Variants in GRIA1 observed in about 807,000 individuals in gnomAD.
GRIA1 encodes the protein glutamate ionotropic receptor AMPA type subunit 1, also known as glutamate receptor 1.
GRIA1 carries 31 observed loss-of-function variants against 99.2 expected under a neutral mutation model. The ratio of observed to expected loss-of-function variants is 0.31; its 90% CI spans 0.23 to 0.42. The LOEUF is 0.42. Among genes scored for constraint, GRIA1 ranks in the 10% least tolerant of loss-of-function variants. The probability of loss-of-function intolerance (pLI) is 1.00; values close to 1 mark genes in which losing one functional copy is unlikely to be tolerated. For synonymous variants in GRIA1, 438 were observed against 432.4 expected, an observed-to-expected ratio of 1.01 and a Z score of -0.16; for missense variants, 782 against 1,157.5, an observed-to-expected ratio of 0.68 and a Z score of 4.71.
At chr5:153,521,342 A>G (rs560809007) in intron 2 of GRIA1, among the ~76,000 whole-genome samples, 2 of 152,380 alleles carry the variant, frequency 1.3e-5, no homozygotes, top group East Asian at 3.9e-4. Flanking sequence ...GAAACAGAGT[A>G]AGAGGCAGAG....
chr5:153,771,640 T>C (rs1463111107), intron 13 of GRIA1, among the ~76,000 whole-genome samples: 1 of 152,232 alleles, frequency 6.6e-6, no homozygotes, highest in Non-Finnish European at 1.5e-5. Flanking sequence ...CTTCCTGCAA[T>C]GTAGCAGAAC....
intron 2 of GRIA1, among the ~76,000 whole-genome samples, chr5:153,623,958 CCATATA>C (rs3036983): frequency 0.22 from 33,513 of 151,740 alleles, 4,169 homozygotes; most frequent in Non-Finnish European, 0.29. Context: ...TTTGTTAAAC[CCATATA>C]TGGATTGAAA....
At position 153,812,794 on chromosome 5, in the gene GRIA1, C is replaced by A. The variant is rs1014740788; in HGVS notation, c.*1569C>A. 1 of 152,256 alleles carries A rather than the reference C, an allele frequency of 6.6e-6. No homozygotes were observed. The highest frequency in any genetic ancestry group is 1.5e-5 in the Non-Finnish European group (1 of 68,086). The allele number at this position is 152,256 out of a possible 1,614,324, so 9.4% of individuals were successfully genotyped here. A position where few individuals can be genotyped will look rare whatever the true frequency, so the allele number is the denominator to read the frequency against. On this transcript the variant is annotated 3_prime_UTR_variant, in exon 16 of 16. Coordinates refer to ENST00000285900, the MANE Select transcript of GRIA1 (RefSeq NM_000827.4). ...TAGCTTTCTTGGAGATCCCAACTCT[C>A]ATTCTTGGTGCAACTGGCTTCCAGC...
intron 11 of GRIA1, among the ~76,000 whole-genome samples, chr5:153,716,275 A>G (rs1240024371): frequency 6.6e-6 from 1 of 152,338 alleles, no homozygotes; most frequent in East Asian, 1.9e-4. Context: ...GTGGGTACCC[A>G]GCAGGGCTGA....
intron 2 of GRIA1, among the ~76,000 whole-genome samples, chr5:153,600,023 C>A (rs1050319182): frequency 6.6e-6 from 1 of 152,050 alleles, no homozygotes; most frequent in Non-Finnish European, 1.5e-5. Context: ...GGAGGCACTG[C>A]GCACCTTGTT....
intron 5 of GRIA1, 129 bp downstream of exon 5, chr5:153,656,001 C>T: frequency 1.4e-6 from 1 of 717,868 alleles, no homozygotes. Context: ...AATAATGAGT[C>T]TTGGCAATAC....
intron 2 of GRIA1, among the ~76,000 whole-genome samples, chr5:153,516,096 T>C (rs928128527): frequency 1.3e-5 from 2 of 152,058 alleles, no homozygotes; most frequent in African/African-American, 4.8e-5. Flanking sequence ...GGCGGGCGCC[T>C]GTAATCCCAG....
At chr5:153,506,920 C>G (rs904539210) in intron 2 of GRIA1, among the ~76,000 whole-genome samples, 1 of 151,994 alleles carries the variant, frequency 6.6e-6, no homozygotes, top group African/African-American at 2.4e-5. Context: ...GCCAGGAGTT[C>G]GAGATCAGTC....
intron 12 of GRIA1, among the ~76,000 whole-genome samples, chr5:153,765,607 C>A (rs1056401688): frequency 6.6e-6 from 1 of 152,054 alleles, no homozygotes; most frequent in African/African-American, 2.4e-5. Flanking sequence ...ACAAAAGGAA[C>A]AACTTGGACA....
At chr5:153,761,674 C>T (rs1418915362) in intron 11 of GRIA1, among the ~76,000 whole-genome samples, 1 of 152,064 alleles carries the variant, frequency 6.6e-6, no homozygotes, top group African/African-American at 2.4e-5. Flanking sequence ...AGTAAATATA[C>T]AAAGGAAATT....
chr5:153,620,306 T>C (rs1041725817), intron 2 of GRIA1, among the ~76,000 whole-genome samples: 2 of 152,154 alleles, frequency 1.3e-5, no homozygotes, highest in Non-Finnish European at 2.9e-5. Flanking sequence ...TTTCCTATTT[T>C]TGCACCCATG....
chr5:153,553,389 A>G (rs1442701910), intron 2 of GRIA1, among the ~76,000 whole-genome samples: 1 of 152,240 alleles, frequency 6.6e-6, no homozygotes, highest in Non-Finnish European at 1.5e-5. Context: ...AATGTTTATT[A>G]AAAAGCTTTA....
chr5:153,768,250 T>C (rs776916806), intron 12 of GRIA1, among the ~76,000 whole-genome samples: 2 of 152,224 alleles, frequency 1.3e-5, no homozygotes, highest in Non-Finnish European at 2.9e-5. Context: ...CTCCCTTCTT[T>C]CTTCTTCTTT....
chr5:153,790,869 C>G (rs1765252028), intron 13 of GRIA1, among the ~76,000 whole-genome samples: 1 of 152,056 alleles, frequency 6.6e-6, no homozygotes, highest in Admixed American at 6.6e-5. Flanking sequence ...TTCTGCTATC[C>G]AAGACCCCCA....
chr5:153,660,614 C>A (rs1439676939), intron 5 of GRIA1, among the ~76,000 whole-genome samples: 4 of 152,290 alleles, frequency 2.6e-5, no homozygotes, highest in African/African-American at 7.2e-5. Flanking sequence ...ATAGATCTGA[C>A]ATTCCAACCC....
chr5:153,555,999 G>A (rs1760606644), intron 2 of GRIA1, among the ~76,000 whole-genome samples: 5 of 152,218 alleles, frequency 3.3e-5, no homozygotes, highest in Admixed American at 3.3e-4. Context: ...ATTGCACTGT[G>A]TCAGGCACAT....
At chr5:153,675,964 C>T (rs2149486907) in intron 6 of GRIA1, among the ~76,000 whole-genome samples, 1 of 151,534 alleles carries the variant, frequency 6.6e-6, no homozygotes, top group South Asian at 2.1e-4. Context: ...TCACGCCATT[C>T]TCCTGCCTCA....
chr5:153,624,032 C>T (rs1002160297), intron 2 of GRIA1, among the ~76,000 whole-genome samples: 3 of 152,144 alleles, frequency 2.0e-5, no homozygotes, highest in Non-Finnish European at 4.4e-5. Context: ...TGGATACTGT[C>T]AAGTTAGTCA....
chr5:153,722,861 GC>G (rs1760180132), intron 11 of GRIA1, among the ~76,000 whole-genome samples: 1 of 152,164 alleles, frequency 6.6e-6, no homozygotes, highest in African/African-American at 2.4e-5. Flanking sequence ...TGTTGGATTA[GC>G]AATGATTGTG....
Sources: allele counts gnomAD v4.1 joint callset (sites outside exome capture counted in the v4.1 genomes callset), GRCh38; gene constraint gnomAD v4.1.1; transcripts MANE v1.5; gene names NCBI Gene and HGNC (gene_info 2026-07-23, HGNC 2026-07-21).